The following ZNF254 variants were observed in gnomAD, a reference collection of about 807,000 sequenced individuals.
ZNF254 encodes zinc finger protein 254.
In ZNF254, 10 loss-of-function variants were observed where a neutral mutation model predicts 12.4. The ratio of observed to expected loss-of-function variants is 0.80; its 90% CI spans 0.50 to 1.36. The LOEUF (loss-of-function observed/expected upper bound fraction) is 1.36, where lower values mean the gene tolerates loss of function less well. ZNF254 is among the 40% of genes most tolerant of loss of function. The pLI is 0.00. For synonymous variants in ZNF254, 305 were observed against 253.4 expected (o/e 1.20, Z -1.93); for missense variants, 996 against 763.9 (o/e 1.30, Z -3.58).
At chr19:24,118,880 G>T (rs1198925009) in intron 3 of ZNF254, among the ~76,000 whole-genome samples, 1 of 152,078 alleles carries the variant, frequency 6.6e-6, no homozygotes, top group Non-Finnish European at 1.5e-5. Flanking sequence ...GGGGGGCTGA[G>T]TGGGGTGGAT....
upstream of ZNF254, among the ~76,000 whole-genome samples, chr19:24,084,732 ATCC>A (rs1306385547): frequency 1.3e-5 from 2 of 151,812 alleles, no homozygotes; most frequent in Admixed American, 6.6e-5. Flanking sequence ...GGTTCAGGCA[ATCC>A]TCCTCCCTCC....
intron 3 of ZNF254, among the ~76,000 whole-genome samples, chr19:24,118,754 TG>T (rs1413270230): frequency 6.6e-6 from 1 of 151,596 alleles, no homozygotes; most frequent in Non-Finnish European, 1.5e-5. Context: ...CATTTAATGT[TG>T]TAGCTAAGAA....
rs1015241298 is a variant in ZNF254 at position 24,129,323 on chromosome 19, C to T, written c.*1343C>T. 11 of 151,914 alleles carry T rather than the reference C, an allele frequency of 7.2e-5. No individual in the cohort carries two copies. The highest frequency in any genetic ancestry group is 5.9e-4 in the Admixed American group (9 of 15,246). 9.4% of individuals were successfully genotyped at this position (151,914 alleles called of 1,614,324 possible). ...GTGTGAACTTAGCTTTTCAATTCAA[C>T]ATTTTTAACATATTAAATACTATTG... is the stretch of plus-strand genomic sequence containing the variant. On this transcript the variant is annotated 3_prime_UTR_variant, in exon 4 of 4. Transcript: ENST00000357002.
chr19:24,111,419 G>A (rs1973674534), intron 3 of ZNF254, among the ~76,000 whole-genome samples: 2 of 152,162 alleles, frequency 1.3e-5, no homozygotes, highest in Non-Finnish European at 2.9e-5. Flanking sequence ...ACATACTTGT[G>A]CATGTGTCTT....
intron 1 of ZNF254, among the ~76,000 whole-genome samples, chr19:24,039,217 C>A (rs1970071741): frequency 1.3e-5 from 2 of 152,200 alleles, no homozygotes; most frequent in Non-Finnish European, 2.9e-5. Context: ...CAGGGCCAGG[C>A]TTTGGATCTT....
At chr19:24,078,178 C>T (rs1971725508) in intron 2 of ZNF254, among the ~76,000 whole-genome samples, 1 of 152,212 alleles carries the variant, frequency 6.6e-6, no homozygotes, top group African/African-American at 2.4e-5. Flanking sequence ...GTTGGAATTA[C>T]AGGCACATGC....
chr19:24,036,943 A>T (rs570773532), intron 1 of ZNF254, among the ~76,000 whole-genome samples: 1 of 152,306 alleles, frequency 6.6e-6, no homozygotes, highest in East Asian at 1.9e-4. Flanking sequence ...TTACCTCTAA[A>T]ATTTCTCACC....
intron 1 of ZNF254, among the ~76,000 whole-genome samples, chr19:24,041,173 T>G (rs1189322529): frequency 1.4e-4 from 21 of 152,240 alleles, no homozygotes; most frequent in Admixed American, 1.4e-3. Flanking sequence ...GAGCCCTCGC[T>G]TGCTCTCGGC....
chr19:24,126,691 AT>A lies in ZNF254; in HGVS notation c.694del (p.Tyr232IlefsTer27). On this transcript the variant is annotated frameshift_variant, in exon 4 of 4. Transcript: ENST00000357002. LOFTEE classifies it low-confidence loss of function (END_TRUNC). ...WSSTLTNHRK[I>X]YTEEKPYKCE... ...CTCAACCCTTACTAATCATAGGAAAATTTATACTGAAGAGAAACCTTACAAA... is the reference window on the plus strand; with the variant it reads ...CTCAACCCTTACTAATCATAGGAAAATTATACTGAAGAGAAACCTTACAAA... 1 of 1,613,408 alleles carries A rather than the reference AT, an allele frequency of 6.2e-7. No homozygotes were observed. Among genetic ancestry groups the A allele is most frequent in the Non-Finnish European group, 8.5e-7 (1 of 1,179,764 alleles).
intron 2 of ZNF254, among the ~76,000 whole-genome samples, chr19:24,062,966 A>AT (rs1340211469): frequency 6.6e-6 from 1 of 151,860 alleles, no homozygotes; most frequent in Non-Finnish European, 1.5e-5. Context: ...ATGCCAGCTA[A>AT]TTTTTTGTAT....
At chr19:24,116,616 T>TCAAAG (rs757852779) in intron 3 of ZNF254, among the ~76,000 whole-genome samples, 21,747 of 152,082 alleles carry the variant, frequency 0.14, 2,559 homozygotes, top group African/African-American at 0.32. Context: ...TTTCAAAGTT[T>TCAAAG]TTAACTTCTT....
intron 2 of ZNF254, among the ~76,000 whole-genome samples, chr19:24,071,204 T>C (rs1242551349): frequency 6.6e-6 from 1 of 152,070 alleles, no homozygotes; most frequent in Non-Finnish European, 1.5e-5. Context: ...TTGTAACATA[T>C]CTGGGCCAAG....
At chr19:24,049,184 TTATA>T (rs1159690517) in intron 2 of ZNF254, among the ~76,000 whole-genome samples, 44 of 63,150 alleles carry the variant, frequency 7.0e-4, no homozygotes, top group East Asian at 1.9e-3. Context: ...GGCTCTGGTT[TTATA>T]TATATATATA....
intron 3 of ZNF254, among the ~76,000 whole-genome samples, chr19:24,119,836 T>C (rs1326390841): frequency 6.6e-6 from 1 of 152,094 alleles, no homozygotes; most frequent in Non-Finnish European, 1.5e-5. Flanking sequence ...TTACTAGTTT[T>C]ATTGCTATTG....
At chr19:24,088,964 CTT>C (rs74175785) in intron 1 of ZNF254, among the ~76,000 whole-genome samples, 560 of 99,016 alleles carry the variant, frequency 5.7e-3, no homozygotes, top group Non-Finnish European at 7.2e-3. Flanking sequence ...GCCAATTAAT[CTT>C]TTTTTTTTTT....
chr19:24,057,452 C>T (rs1012371871), intron 2 of ZNF254, among the ~76,000 whole-genome samples: 2 of 152,160 alleles, frequency 1.3e-5, no homozygotes, highest in East Asian at 1.9e-4. Flanking sequence ...GATTATGGGT[C>T]GATACCATTA....
At chr19:24,105,801 G>T in intron 1 of ZNF254, 139 bp from the exon 2 acceptor site, 1 of 1,360,462 alleles carries the variant, frequency 7.4e-7, no homozygotes, top group South Asian at 1.3e-5. Context: ...TTCATGTGTT[G>T]ACAATTATTT....
At chr19:24,116,618 T>TTC (rs879547764) in intron 3 of ZNF254, among the ~76,000 whole-genome samples, 21,752 of 152,038 alleles carry the variant, frequency 0.14, 2,556 homozygotes, top group African/African-American at 0.32. Context: ...TCAAAGTTTT[T>TTC]AACTTCTTTG....
intron 3 of ZNF254, among the ~76,000 whole-genome samples, chr19:24,108,615 A>G (rs565642174): frequency 2.6e-5 from 4 of 152,328 alleles, no homozygotes; most frequent in South Asian, 2.1e-4. Flanking sequence ...GGTGTGAACC[A>G]TGATGCCTGG....
Sources: allele counts gnomAD v4.1 joint callset (sites outside exome capture counted in the v4.1 genomes callset), GRCh38; gene constraint gnomAD v4.1.1; transcripts MANE v1.5; gene names NCBI Gene and HGNC (gene_info 2026-07-23, HGNC 2026-07-21).